DACH2: variants seen among roughly 807,000 people sequenced by gnomAD.
The protein encoded by DACH2 is dachshund homolog 2.
A neutral mutation model predicts 35.8 loss-of-function variants in DACH2; 17 were observed. That is an observed-to-expected ratio of 0.48 (90% CI 0.33 to 0.71). The LOEUF is 0.71. DACH2 is among the 30% of genes least tolerant of loss of function. DACH2 has a pLI of 0.02. For missense variants in DACH2, 469 were observed against 472.7 expected (o/e 0.99, Z 0.07); for synonymous variants, 195 against 177.3 (o/e 1.10, Z -0.79).
chrX:86,160,050 A>G (rs2030693418), intron 1 of DACH2, among the ~76,000 whole-genome samples: 1 of 107,318 alleles, frequency 9.3e-6, no homozygotes, highest in Non-Finnish European at 1.9e-5. Flanking sequence ...GTAAAAAAAA[A>G]AACAAAAAAA....
At chrX:86,430,073 A>G (rs761878289) in intron 2 of DACH2, among the ~76,000 whole-genome samples, 1 of 112,397 alleles carries the variant, frequency 8.9e-6, no homozygotes, top group South Asian at 3.7e-4. Context: ...TGTGCAATTG[A>G]TATAATATTG....
At chrX:86,829,233 A>C (rs2042590366) in intron 11 of DACH2, 1 of 112,165 alleles carries the variant, frequency 8.9e-6, no homozygotes, top group Non-Finnish European at 1.9e-5. Context: ...AGCCCAATTC[A>C]GTGAAATAAT....
intron 5 of DACH2, among the ~76,000 whole-genome samples, chrX:86,700,316 T>G (rs182730743): frequency 3.4e-4 from 38 of 111,076 alleles, no homozygotes; most frequent in African/African-American, 1.1e-3. Flanking sequence ...TCTTTGTTAA[T>G]TTTATGTTTT....
At chrX:86,807,513 A>T (rs140149686) in intron 7 of DACH2, among the ~76,000 whole-genome samples, 3,331 of 111,603 alleles carry the variant, frequency 0.03, 122 homozygotes, top group African/African-American at 0.1. Context: ...TTTGCTCTTC[A>T]TTATGCTCTC....
At chrX:86,460,716 G>C (rs2037557220) in intron 2 of DACH2, among the ~76,000 whole-genome samples, 1 of 110,757 alleles carries the variant, frequency 9.0e-6, no homozygotes, top group African/African-American at 3.3e-5. Context: ...ATCACAACAA[G>C]GGAAATAGCC....
At chrX:86,432,025 G>A (rs1186607210) in intron 2 of DACH2, among the ~76,000 whole-genome samples, 2 of 111,854 alleles carry the variant, frequency 1.8e-5, no homozygotes, top group African/African-American at 6.5e-5. Context: ...TTATAATAAA[G>A]AGGAAGTTTA....
chrX:86,252,753 G>A (rs933094673), intron 1 of DACH2, among the ~76,000 whole-genome samples: 1 of 111,460 alleles, frequency 9.0e-6, no homozygotes, highest in Non-Finnish European at 1.9e-5. Context: ...TGGCCTTATA[G>A]TATAGTTTGA....
At chrX:86,608,841 T>C (rs374656302) in intron 3 of DACH2, among the ~76,000 whole-genome samples, 1 of 112,173 alleles carries the variant, frequency 8.9e-6, no homozygotes, top group East Asian at 2.8e-4. Flanking sequence ...CTGTCAGGCA[T>C]ATTGGAGCTC....
chrX:86,517,466 G>A (rs945724674), intron 3 of DACH2, among the ~76,000 whole-genome samples: 7 of 105,238 alleles, frequency 6.7e-5, no homozygotes, highest in Non-Finnish European at 1.4e-4. Context: ...GCCCAGGCTG[G>A]AGTGCAGTGG....
intron 2 of DACH2, among the ~76,000 whole-genome samples, chrX:86,479,714 A>G (rs2037907826): frequency 8.9e-6 from 1 of 111,891 alleles, no homozygotes; most frequent in African/African-American, 3.3e-5. Context: ...GCCTGTCTTC[A>G]AGCTCACTAT....
intron 2 of DACH2, among the ~76,000 whole-genome samples, chrX:86,463,598 T>G (rs1399231608): frequency 9.0e-6 from 1 of 111,095 alleles, no homozygotes; most frequent in African/African-American, 3.3e-5. Flanking sequence ...GCAATACCAT[T>G]CAGGACACAG....
intron 2 of DACH2, among the ~76,000 whole-genome samples, chrX:86,473,169 T>A: frequency 9.0e-6 from 1 of 111,384 alleles, no homozygotes; most frequent in East Asian, 2.8e-4. Flanking sequence ...ATAAGCTAAT[T>A]ATATTCTTTA....
chrX:86,273,615 T>C (rs971436715), intron 1 of DACH2, among the ~76,000 whole-genome samples: 11 of 112,294 alleles, frequency 9.8e-5, no homozygotes, highest in Non-Finnish European at 2.1e-4. Flanking sequence ...ATACACCATC[T>C]ACATTTTTTC....
At chrX:86,421,111 C>A (rs1033138481) in intron 2 of DACH2, among the ~76,000 whole-genome samples, 3 of 111,566 alleles carry the variant, frequency 2.7e-5, no homozygotes, top group African/African-American at 6.5e-5. Flanking sequence ...TTAATATACA[C>A]GTGTACACGG....
At chrX:86,437,474 A>T (rs1303744201) in intron 2 of DACH2, among the ~76,000 whole-genome samples, 2 of 111,745 alleles carry the variant, frequency 1.8e-5, no homozygotes, top group Non-Finnish European at 3.8e-5. Flanking sequence ...GGTATTTACC[A>T]TTCTATTCTC....
intron 7 of DACH2, among the ~76,000 whole-genome samples, chrX:86,790,598 G>T (rs745583014): frequency 8.9e-6 from 1 of 111,813 alleles, no homozygotes; most frequent in African/African-American, 3.2e-5. Flanking sequence ...CCAGGCTGGA[G>T]TACAGTGATG....
intron 3 of DACH2, among the ~76,000 whole-genome samples, chrX:86,514,981 A>T (rs1403838827): frequency 8.9e-6 from 1 of 111,761 alleles, no homozygotes; most frequent in Non-Finnish European, 1.9e-5. Context: ...TTGAGTCCTT[A>T]AAAAAGTACC....
chrX:86,761,865 A>T (rs1374989044), intron 7 of DACH2, among the ~76,000 whole-genome samples: 1 of 88,343 alleles, frequency 1.1e-5, no homozygotes, highest in African/African-American at 4.2e-5. Context: ...GCACCATGAT[A>T]GTGGGTCTAA....
chrX:86,772,597 A>C (rs1175897818), intron 7 of DACH2, among the ~76,000 whole-genome samples: 1 of 111,887 alleles, frequency 8.9e-6, no homozygotes, highest in African/African-American at 3.2e-5. Context: ...AAGTAGGGTA[A>C]AAATTTAAAA....
Sources: gnomAD v4.1 joint callset for allele counts (sites outside exome capture counted in the v4.1 genomes callset) on GRCh38, gnomAD v4.1.1 for gene constraint, MANE v1.5 for transcripts, NCBI Gene and HGNC (gene_info 2026-07-23, HGNC 2026-07-21) for gene names.